IL6ST: variants seen among roughly 807,000 people sequenced by gnomAD.
IL6ST encodes interleukin-6 receptor subunit beta.
IL6ST carries 24 observed loss-of-function variants against 91.3 expected under a neutral mutation model. The observed-to-expected ratio is 0.26, with a 90% CI of 0.19 to 0.37. IL6ST has a LOEUF of 0.37. Among genes scored for constraint, IL6ST ranks in the 10% least tolerant of loss-of-function variants. The probability of loss-of-function intolerance (pLI) is 1.00; values close to 1 mark genes in which losing one functional copy is unlikely to be tolerated. For missense variants in IL6ST, 914 were observed against 1,078.5 expected (o/e 0.85, Z 2.14); for synonymous variants, 351 against 373.6 (o/e 0.94, Z 0.70).
rs1406276570 is a variant in IL6ST at position 55,936,332 on chromosome 5, AC to A, written c.*4749del. 9.1e-6 allele frequency: 2 copies of A among 218,890 alleles called. No individual in the cohort carries two copies. Among genetic ancestry groups the A allele is most frequent in the African/African-American group, 4.6e-5 (2 of 43,558 alleles). The allele number at this position is 218,890 out of a possible 1,614,324, so 13.6% of individuals were successfully genotyped here. On this transcript the variant is annotated 3_prime_UTR_variant, in exon 17 of 17. Coordinates refer to ENST00000381298, the MANE Select transcript of IL6ST (RefSeq NM_002184.4). Reference sequence around the variant, plus strand: ...CACCTCCATACTTGGGCTCTTGACAACCAAGTAGGTTTTTTTTTTTTTTTTT... The same window carrying A: ...CACCTCCATACTTGGGCTCTTGACAACAAGTAGGTTTTTTTTTTTTTTTTT...
intron 1 of IL6ST, among the ~76,000 whole-genome samples, chr5:55,985,282 G>A (rs1166826586): frequency 2.0e-5 from 3 of 152,050 alleles, no homozygotes; most frequent in East Asian, 1.9e-4. Context: ...TTGGGAGGCC[G>A]AAGTGGGTAG....
chr5:55,973,384 A>C lies in IL6ST; in HGVS notation c.64+2831T>G, dbSNP rs370273623. Among the ~76,000 whole-genome samples, 62 of 152,302 alleles carry C rather than the reference A, an allele frequency of 4.1e-4. 2 individuals are homozygous for C. The East Asian group carries it at 6.4e-3, about 16-fold the overall frequency. On this transcript the variant is annotated intron_variant, in intron 3 of 16. Transcript: ENST00000381298. ...TCCACTCCAGCCAATGGAGTGTGCT[A>C]TGAGACTTCAGAGGCTAGATCATTA...
chr5:55,945,852 T>G (rs1221198205), intron 15 of IL6ST, among the ~76,000 whole-genome samples: 9 of 151,944 alleles, frequency 5.9e-5, no homozygotes, highest in Non-Finnish European at 1.2e-4. Context: ...TTAGCCACTG[T>G]GTTAGCCAGG....
chr5:55,935,596 T>C lies in IL6ST; in HGVS notation c.*5486A>G. ...CACCCTGCTTTCGAGTTGGCTGAGC[T>C]TCCTGCTGCTTTCACACATTCTTCT... is the stretch of plus-strand genomic sequence containing the variant. On this transcript the variant is annotated 3_prime_UTR_variant, in exon 17 of 17. Transcript: ENST00000381298. 4.6e-6 allele frequency: 1 copy of C among 218,640 alleles called. No individual in the cohort carries two copies. Among genetic ancestry groups the C allele is most frequent in the Non-Finnish European group, 9.2e-6 (1 of 108,830 alleles). The allele number at this position is 218,640 out of a possible 1,614,324, so 13.5% of individuals were successfully genotyped here. A position where few individuals can be genotyped will look rare whatever the true frequency, so the allele number is the denominator to read the frequency against.
Position 55,952,069 on chromosome 5 carries a change from G to A in IL6ST, c.1559C>T (p.Ser520Phe). 1 of 1,612,494 alleles carries A rather than the reference G, an allele frequency of 6.2e-7. No individual in the cohort carries two copies. The highest frequency in any genetic ancestry group is 8.5e-7 in the Non-Finnish European group (1 of 1,179,530). Residue 520 changes from serine to phenylalanine, a missense_variant, in exon 13 of 17, where the codon TCC (serine) becomes TTC (phenylalanine). Ser to Phe is a radical substitution (Grantham distance 155, BLOSUM62 -2). Coordinates refer to ENST00000381298, the MANE Select transcript of IL6ST (RefSeq NM_002184.4). ...IKAYLKQAPP[S>F]KGPTVRTKKV... ...TTTTGTCCGAACAGTAGGTCCTTTG[G>A]AAGGTGCTGTAACAGAGTGAACACA... is the stretch of plus-strand genomic sequence containing the variant.
intron 16 of IL6ST, 71 bp downstream of exon 16, chr5:55,942,599 A>G (rs1193954593): frequency 1.3e-6 from 1 of 759,050 alleles, no homozygotes; most frequent in Non-Finnish European, 2.3e-6. Context: ...TATACCTACT[A>G]ACTGTAGATA....
Position 55,935,728 on chromosome 5 carries a change from A to G in IL6ST, c.*5354T>C, listed in dbSNP as rs1303145360. The G allele has an allele frequency of 4.8e-6, 1 of 207,564 alleles. No individual in the cohort carries two copies. Among genetic ancestry groups the G allele is most frequent in the Admixed American group, 6.0e-5 (1 of 16,694 alleles). 12.9% of individuals were successfully genotyped at this position (207,564 alleles called of 1,614,324 possible). Reference sequence around the variant, plus strand: ...TATACGCAGTTGTAATATATTTCGTATTTTGAAAGTGTAGAAGTTTGTATT... The same window carrying G: ...TATACGCAGTTGTAATATATTTCGTGTTTTGAAAGTGTAGAAGTTTGTATT... On this transcript the variant is annotated 3_prime_UTR_variant, in exon 17 of 17. Transcript: ENST00000381298.
chr5:55,940,119 A>AATG lies in IL6ST; in HGVS notation c.*960_*962dup, dbSNP rs1273997223. On this transcript the variant is annotated 3_prime_UTR_variant, in exon 17 of 17. Coordinates refer to ENST00000381298, the MANE Select transcript of IL6ST (RefSeq NM_002184.4). ...GTACTCTGAAGTCTTAAGAAAAGTC[A>AATG]ATGATATGTGTGTGTATATATATAT... 7.3e-5 allele frequency: 6 copies of AATG among 82,596 alleles called. No homozygotes were observed. The highest frequency in any genetic ancestry group is 3.2e-4 in the African/African-American group (6 of 18,508). 5.1% of individuals were successfully genotyped at this position (82,596 alleles called of 1,614,324 possible).
Position 55,940,877 on chromosome 5 carries a change from A to G in IL6ST, c.*205T>C. The G allele has an allele frequency of 2.0e-6, 1 of 510,992 alleles. No individual in the cohort carries two copies. The highest frequency in any genetic ancestry group is 3.4e-6 in the Non-Finnish European group (1 of 290,294). 31.7% of individuals were successfully genotyped at this position (510,992 alleles called of 1,614,324 possible). Reference sequence around the variant, plus strand: ...AATCATTCAGCTAGTCTGAGGATAAAGTCAGTTTATGTAGTGCTTAAAGTA... The same window carrying G: ...AATCATTCAGCTAGTCTGAGGATAAGGTCAGTTTATGTAGTGCTTAAAGTA... On this transcript the variant is annotated 3_prime_UTR_variant, in exon 17 of 17. Transcript: ENST00000381298.
chr5:55,935,663 A>G lies in IL6ST; in HGVS notation c.*5419T>C, dbSNP rs1750472733. ...CTCTTTGCTTGTAGTCTTTCACTCC[A>G]TTAACTTGCCCAAGCACTGGACTTA... On this transcript the variant is annotated 3_prime_UTR_variant, in exon 17 of 17. Transcript: ENST00000381298. The G allele has an allele frequency of 4.6e-6, 1 of 219,218 alleles. No individual in the cohort carries two copies. Among genetic ancestry groups the G allele is most frequent in the Non-Finnish European group, 9.2e-6 (1 of 109,286 alleles). The allele number at this position is 219,218 out of a possible 1,614,324, so 13.6% of individuals were successfully genotyped here. A position where few individuals can be genotyped will look rare whatever the true frequency, so the allele number is the denominator to read the frequency against.
intron 5 of IL6ST, among the ~76,000 whole-genome samples, chr5:55,967,094 G>C (rs528613392): frequency 6.6e-6 from 1 of 151,690 alleles, no homozygotes; most frequent in Non-Finnish European, 1.5e-5. Context: ...GCCAGATCAC[G>C]AGGTCAGGAG....
chr5:55,976,875 A>T (rs1254053971), intron 2 of IL6ST, among the ~76,000 whole-genome samples: 1 of 152,234 alleles, frequency 6.6e-6, no homozygotes, highest in Non-Finnish European at 1.5e-5. Context: ...AGGAACGCAA[A>T]ATGATACAGA....
At position 55,935,539 on chromosome 5, in the gene IL6ST, C is replaced by G. The variant is rs532161602; in HGVS notation, c.*5543G>C. The stretch of plus-strand genomic sequence containing the variant: ...TCTTACTAAGTTGTCCAAGAGCCAA[C>G]CCCGATCAGCAGCAACAGGACTCAA... On this transcript the variant is annotated 3_prime_UTR_variant, in exon 17 of 17. Transcript: ENST00000381298. The G allele has an allele frequency of 9.2e-5, 20 of 216,530 alleles. No homozygotes were observed. The highest frequency in any genetic ancestry group is 1.2e-4 in the Non-Finnish European group (13 of 107,612). The allele number at this position is 216,530 out of a possible 1,614,324, so 13.4% of individuals were successfully genotyped here.
At position 55,938,187 on chromosome 5, in the gene IL6ST, GTAAA is replaced by G. The variant is rs1430612330; in HGVS notation, c.*2891_*2894del. On this transcript the variant is annotated 3_prime_UTR_variant, in exon 17 of 17. Transcript: ENST00000381298. ...TAGGGTCACTGGATGACTTCATGTG[GTAAA>G]ATCCCTTATCAAGGAATAAGGCTGA... 1.6e-5 allele frequency: 3 copies of G among 192,368 alleles called. No individual in the cohort carries two copies. In the East Asian group the frequency reaches 2.5e-4, roughly 16 times the overall value. The allele number at this position is 192,368 out of a possible 1,614,324, so 11.9% of individuals were successfully genotyped here.
At chr5:55,947,707 A>G in intron 14 of IL6ST, 118 bp from the exon 15 acceptor site, 1 of 611,284 alleles carries the variant, frequency 1.6e-6, no homozygotes, top group Non-Finnish European at 2.9e-6. Context: ...GATAAAATAC[A>G]ATCCTAATTA....
chr5:55,935,668 C>G lies in IL6ST; in HGVS notation c.*5414G>C. The G allele has an allele frequency of 4.6e-6, 1 of 219,318 alleles. No homozygotes were observed. The highest frequency in any genetic ancestry group is 9.2e-6 in the Non-Finnish European group (1 of 109,274). The allele number at this position is 219,318 out of a possible 1,614,324, so 13.6% of individuals were successfully genotyped here. A position where few individuals can be genotyped will look rare whatever the true frequency, so the allele number is the denominator to read the frequency against. On this transcript the variant is annotated 3_prime_UTR_variant, in exon 17 of 17. Coordinates refer to ENST00000381298, the MANE Select transcript of IL6ST (RefSeq NM_002184.4). Reference sequence around the variant, plus strand: ...TGCTTGTAGTCTTTCACTCCATTAACTTGCCCAAGCACTGGACTTAAGTAT... The same window carrying G: ...TGCTTGTAGTCTTTCACTCCATTAAGTTGCCCAAGCACTGGACTTAAGTAT...
At chr5:55,983,570 T>G (rs1030700602) in intron 1 of IL6ST, among the ~76,000 whole-genome samples, 52 of 152,352 alleles carry the variant, frequency 3.4e-4, no homozygotes, top group South Asian at 1.2e-3. Context: ...ACTTCAAACT[T>G]AGGCAAGGAG....
chr5:55,951,798 A>G, intron 13 of IL6ST, 131 bp downstream of exon 13: 1 of 761,954 alleles, frequency 1.3e-6, no homozygotes, highest in Non-Finnish European at 2.1e-6. Context: ...GAAAGTAACC[A>G]TAAGGCAAAT....
Position 55,935,784 on chromosome 5 carries a change from T to C in IL6ST, c.*5298A>G, listed in dbSNP as rs1750485775. The C allele has an allele frequency of 4.6e-6, 1 of 216,742 alleles. No homozygotes were observed. Among genetic ancestry groups the C allele is most frequent in the African/African-American group, 2.3e-5 (1 of 44,432 alleles). The allele number at this position is 216,742 out of a possible 1,614,324, so 13.4% of individuals were successfully genotyped here. A position where few individuals can be genotyped will look rare whatever the true frequency, so the allele number is the denominator to read the frequency against. On this transcript the variant is annotated 3_prime_UTR_variant, in exon 17 of 17. Coordinates refer to ENST00000381298, the MANE Select transcript of IL6ST (RefSeq NM_002184.4). ...AAAAAGAAAAAGCTTAAATGGAAAG[T>C]TAAGCAATCCTGAACAAGAAAACTC...
Sources: gnomAD v4.1 joint callset for allele counts (sites outside exome capture counted in the v4.1 genomes callset) on GRCh38, gnomAD v4.1.1 for gene constraint, MANE v1.5 for transcripts, NCBI Gene and HGNC (gene_info 2026-07-23, HGNC 2026-07-21) for gene names.